IWS1: variants seen among roughly 807,000 people sequenced by gnomAD.
The protein encoded by IWS1 is interacts with SUPT6H, CTD assembly factor 1, also known as protein IWS1 homolog.
In IWS1, 27 loss-of-function variants were observed where a neutral mutation model predicts 86.7. That is an observed-to-expected ratio of 0.31 (90% confidence interval 0.23 to 0.43). IWS1 has a LOEUF of 0.43. IWS1 is among the 20% of genes least tolerant of loss of function. IWS1 has a pLI of 1.00. For missense variants in IWS1, 827 were observed against 1,000.8 expected, an observed-to-expected ratio of 0.83 and a Z score of 2.34; for synonymous variants, 313 against 335.1, an observed-to-expected ratio of 0.93 and a Z score of 0.72.
intron 2 of IWS1, among the ~76,000 whole-genome samples, chr2:127,508,355 A>G (rs900682139): frequency 1.3e-5 from 2 of 152,206 alleles, no homozygotes; most frequent in African/African-American, 2.4e-5. Flanking sequence ...TGAGCTGCAA[A>G]AAAAAGGTGT....
chr2:127,496,265 T>C (rs1690506657), intron 6 of IWS1, 117 bp from the exon 7 acceptor site: 1 of 1,144,934 alleles, frequency 8.7e-7, no homozygotes, highest in Non-Finnish European at 1.2e-6. Flanking sequence ...TGCTACCTTC[T>C]TTTAAAAGTG....
chr2:127,481,034 C>G lies in IWS1; in HGVS notation c.*10G>C. 1 of 1,601,918 alleles carries G rather than the reference C, an allele frequency of 6.2e-7. No individual in the cohort carries two copies. Among genetic ancestry groups the G allele is most frequent in the Non-Finnish European group, 8.5e-7 (1 of 1,176,214 alleles). ...CTTAGAGTAGAGATGGGGACACATT[C>G]CAGGCAAGGTCACAATGGCATTTTG... is the stretch of plus-strand genomic sequence containing the variant. On this transcript the variant is annotated 3_prime_UTR_variant, in exon 14 of 14. Transcript: ENST00000295321.
chr2:127,512,869 T>C (rs1304397601), intron 2 of IWS1, among the ~76,000 whole-genome samples: 4 of 152,250 alleles, frequency 2.6e-5, no homozygotes, highest in South Asian at 2.1e-4. Flanking sequence ...TTGAAAGACA[T>C]GAATAATAAA....
intron 2 of IWS1, among the ~76,000 whole-genome samples, chr2:127,521,402 T>G (rs1692088501): frequency 6.6e-6 from 1 of 152,230 alleles, no homozygotes; most frequent in Non-Finnish European, 1.5e-5. Context: ...CTATGCTGGT[T>G]TTAATTTTTT....
chr2:127,493,228 T>C (rs1486650840), intron 9 of IWS1, 53 bp downstream of exon 9: 1 of 1,543,594 alleles, frequency 6.5e-7, no homozygotes, highest in African/African-American at 1.4e-5. Context: ...GTTATGACCA[T>C]ACAGACCACA....
chr2:127,523,612 T>C (rs1335314456), intron 2 of IWS1, 64 bp downstream of exon 2: 1 of 1,034,596 alleles, frequency 9.7e-7, no homozygotes, highest in African/African-American at 1.6e-5. Flanking sequence ...GTAACTCCTA[T>C]AATATAACAG....
intron 3 of IWS1, 94 bp downstream of exon 3, chr2:127,504,590 C>T: frequency 1.1e-6 from 1 of 886,562 alleles, no homozygotes; most frequent in South Asian, 1.6e-5. Flanking sequence ...TAACAGAACA[C>T]AGATCTGACA....
intron 2 of IWS1, among the ~76,000 whole-genome samples, chr2:127,523,088 A>G (rs369950158): frequency 6.6e-6 from 1 of 152,160 alleles, no homozygotes; most frequent in African/African-American, 2.4e-5. Context: ...CTGTGCCTGT[A>G]GTCCCAGCTA....
At chr2:127,484,973 G>A (rs1270953299) in intron 13 of IWS1, among the ~76,000 whole-genome samples, 4 of 151,036 alleles carry the variant, frequency 2.6e-5, no homozygotes, top group African/African-American at 7.3e-5. Context: ...CTCCAACCTG[G>A]GCGACAGAGC....
intron 2 of IWS1, chr2:127,511,371 G>C (rs1426688928): frequency 6.6e-6 from 1 of 152,196 alleles, no homozygotes; most frequent in African/African-American, 2.4e-5. Flanking sequence ...GCAGTTCTGA[G>C]GACTAAAAGC....
At chr2:127,506,395 ACT>A (rs969555129) in intron 2 of IWS1, among the ~76,000 whole-genome samples, 14 of 152,000 alleles carry the variant, frequency 9.2e-5, no homozygotes, top group East Asian at 7.7e-4. Context: ...AAAATAAATA[ACT>A]CTATTTTTCA....
At chr2:127,510,346 A>C (rs879879940) in intron 2 of IWS1, among the ~76,000 whole-genome samples, 7 of 152,230 alleles carry the variant, frequency 4.6e-5, no homozygotes, top group Non-Finnish European at 8.8e-5. Flanking sequence ...GCACACACTT[A>C]ATATAATGAA....
rs1691090987 is a variant in IWS1 at position 127,505,521 on chromosome 2, A to T, written c.382T>A (p.Leu128Ile). Residue 128 changes from leucine to isoleucine, a missense_variant, in exon 3 of 14, where the codon TTA (leucine) becomes ATA (isoleucine). Physicochemically the swap from Leu to Ile is conservative, Grantham distance 5. Transcript: ENST00000295321. This position sits in a 1 kb window ranked among gnomAD's most constrained non-coding sequence, Gnocchi z 5.0. ...TCATTTTCAGAGTCACTACCAGGTA[A>T]TTTCCTGGTCTCTTCACTCTCAGAG... ...SDSESEETRKLPGSDSENEEL... is the reference protein window; with the variant it reads ...SDSESEETRKIPGSDSENEEL... 6.2e-7 allele frequency: 1 copy of T among 1,613,818 alleles called. No homozygotes were observed. The highest frequency in any genetic ancestry group is 8.5e-7 in the Non-Finnish European group (1 of 1,179,966).
chr2:127,492,035 C>T lies in IWS1; in HGVS notation c.1983G>A (p.Val661=). Residue 661 remains valine, a synonymous_variant, in exon 10 of 14, where the codon GTG becomes GTA. Coordinates refer to ENST00000295321, the MANE Select transcript of IWS1 (RefSeq NM_017969.3). ...CCTTGGGGTGTTTATAGAGATACAT[C>T]ACTGCTCGTCCAATCCCACTATGCT... The part of the protein sequence containing the change: ...TLKHSGIGRA[V]MYLYKHPKES... The T allele has an allele frequency of 1.9e-6, 3 of 1,614,114 alleles. No individual in the cohort carries two copies. The highest frequency in any genetic ancestry group is 1.7e-6 in the Non-Finnish European group (2 of 1,179,984).
Position 127,503,464 on chromosome 2 carries a change from A to C in IWS1, c.1332T>G (p.Ala444=), listed in dbSNP as rs1335469894. The stretch of plus-strand genomic sequence containing the variant: ...TTTTCTTATCAGACAATTCTTTCCC[A>C]GCTTCTTCCTCACTGTCAGATGCTA... ...KTIASDSEEE[A]GKELSDKKNE... is the part of the protein sequence containing the mutation. Residue 444 remains alanine (A), a synonymous_variant, in exon 4 of 14, where the codon GCT becomes GCG. Coordinates refer to ENST00000295321, the MANE Select transcript of IWS1 (RefSeq NM_017969.3). 1 of 1,613,310 alleles carries C rather than the reference A, an allele frequency of 6.2e-7. No individual in the cohort carries two copies. Among genetic ancestry groups the C allele is most frequent in the African/African-American group, 1.3e-5 (1 of 75,008 alleles).
rs1470385558 is a variant in IWS1 at position 127,505,713 on chromosome 2, G to A, written c.190C>T (p.His64Tyr). ...SDREDGLPKG[H>Y]HVTDSENDEP... ...TCGTTCTCAGAGTCTGTCACATGAT[G>A]TCCTTTGGGGAGGCCATCTTCTCGA... Residue 64 changes from histidine (H) to tyrosine (Y), a missense_variant, in exon 3 of 14, where the codon CAT becomes TAT. Transcript: ENST00000295321. This position sits in a 1 kb window ranked among gnomAD's most constrained non-coding sequence, Gnocchi z 5.0. 2 of 1,576,994 alleles carry A rather than the reference G, an allele frequency of 1.3e-6. No individual in the cohort carries two copies. Among genetic ancestry groups the A allele is most frequent in the Admixed American group, 3.9e-5 (2 of 51,352 alleles).
chr2:127,526,127 G>C, intron 1 of IWS1, 48 bp downstream of exon 1: 1 of 1,553,742 alleles, frequency 6.4e-7, no homozygotes, highest in Non-Finnish European at 8.8e-7. Context: ...AAGCCCCGCC[G>C]AGTAACTGCT....
chr2:127,511,903 G>A (rs1194745187), intron 2 of IWS1, among the ~76,000 whole-genome samples: 1 of 152,208 alleles, frequency 6.6e-6, no homozygotes, highest in Non-Finnish European at 1.5e-5. Context: ...CCATAAGGAT[G>A]CTTTCCTTAT....
intron 7 of IWS1, among the ~76,000 whole-genome samples, chr2:127,495,313 T>C (rs1259490221): frequency 2.0e-5 from 3 of 152,224 alleles, no homozygotes; most frequent in African/African-American, 7.2e-5. Context: ...GGTTATATGA[T>C]ATTGGAATAT....
Sources: gnomAD v4.1 joint callset for allele counts (sites outside exome capture counted in the v4.1 genomes callset) on GRCh38, gnomAD v4.1.1 for gene constraint, Gnocchi (gnomAD v3.1) non-coding constraint, MANE v1.5 for transcripts, NCBI Gene and HGNC (gene_info 2026-07-23, HGNC 2026-07-21) for gene names.